The following TXNDC16 variants were observed in gnomAD, a reference collection of about 807,000 sequenced individuals.
The protein encoded by TXNDC16 is thioredoxin domain containing 16.
Under a neutral mutation model 85.6 loss-of-function variants are expected in TXNDC16, and 74 were observed. The observed-to-expected ratio is 0.86, with a 90% CI of 0.72 to 1.05. The LOEUF (loss-of-function observed/expected upper bound fraction) is 1.05, where lower values mean the gene tolerates loss of function less well. TXNDC16 is among the 50% of genes least tolerant of loss of function. The probability of loss-of-function intolerance (pLI) is 0.00; values close to 1 mark genes in which losing one functional copy is unlikely to be tolerated. For missense variants in TXNDC16, 959 were observed against 947.0 expected (o/e 1.01, Z -0.17); for synonymous variants, 335 against 326.5 (o/e 1.03, Z -0.28).
At position 52,511,236 on chromosome 14, in the gene TXNDC16, A is replaced by G; in HGVS notation, c.756+4T>C. The G allele has an allele frequency of 6.5e-7, 1 of 1,543,510 alleles. No individual in the cohort carries two copies. The highest frequency in any genetic ancestry group is 2.3e-5 in the East Asian group (1 of 43,542). On this transcript the variant is annotated splice_donor_region_variant and intron_variant, in intron 9 of 20. Coordinates refer to ENST00000281741, the MANE Select transcript of TXNDC16 (RefSeq NM_020784.3). ...CAAATAAAAATATAAAATAAGACAC[A>G]TACCAACAGAGGTGCTTTCATTGTC...
At chr14:52,450,655 G>A (rs928571939) in intron 18 of TXNDC16, among the ~76,000 whole-genome samples, 1 of 151,990 alleles carries the variant, frequency 6.6e-6, no homozygotes, top group Admixed American at 6.6e-5. Flanking sequence ...CTTTTACACT[G>A]CTGGTGGGAA....
intron 18 of TXNDC16, among the ~76,000 whole-genome samples, chr14:52,449,656 CT>C (rs1433764932): frequency 1.3e-5 from 2 of 152,062 alleles, no homozygotes; most frequent in Non-Finnish European, 2.9e-5. Context: ...CATTCTTCTC[CT>C]GAGCATATGG....
chr14:52,548,515 G>A (rs921441637), intron 1 of TXNDC16, among the ~76,000 whole-genome samples: 1 of 152,144 alleles, frequency 6.6e-6, no homozygotes, highest in African/African-American at 2.4e-5. Flanking sequence ...GCCTTCATGA[G>A]AACAGTTTGC....
intron 6 of TXNDC16, among the ~76,000 whole-genome samples, chr14:52,534,765 A>G (rs1401133305): frequency 2.6e-5 from 4 of 152,216 alleles, no homozygotes; most frequent in Non-Finnish European, 5.9e-5. Flanking sequence ...TGTCTGTGCA[A>G]CACTAAATTC....
chr14:52,480,905 C>T (rs1017062993), intron 14 of TXNDC16, among the ~76,000 whole-genome samples: 18 of 149,240 alleles, frequency 1.2e-4, no homozygotes, highest in African/African-American at 3.9e-4. Context: ...TGGAACCAAC[C>T]CAAATGCTCA....
At chr14:52,516,343 A>G (rs190377107) in intron 7 of TXNDC16, among the ~76,000 whole-genome samples, 3 of 152,334 alleles carry the variant, frequency 2.0e-5, no homozygotes, top group Admixed American at 6.5e-5. Flanking sequence ...AAAATTAACT[A>G]TAGTTGGCTG....
chr14:52,515,246 G>C (rs2037054515), intron 7 of TXNDC16, among the ~76,000 whole-genome samples: 1 of 152,120 alleles, frequency 6.6e-6, no homozygotes, highest in Non-Finnish European at 1.5e-5. Flanking sequence ...TTTCTTTCTA[G>C]TAGTAGGGAA....
rs902372294 is a variant in TXNDC16 at position 52,526,373 on chromosome 14, T to C, written c.393-7080A>G. On this transcript the variant is annotated intron_variant, in intron 6 of 20. Transcript: ENST00000281741. ...TCCCCATATCATTCCTATCAACCAATATGTTCAGTTTTTGTGAAACCTTGT... is the reference window on the plus strand; with the variant it reads ...TCCCCATATCATTCCTATCAACCAACATGTTCAGTTTTTGTGAAACCTTGT... 2.6e-5 allele frequency among the ~76,000 whole-genome samples: 4 copies of C among 152,164 alleles called. No individual in the cohort carries two copies. In the East Asian group the frequency reaches 5.8e-4, roughly 22 times the overall value.
rs1566582164 is a variant in TXNDC16 at position 52,530,328 on chromosome 14, A to ATAATATAATATATAT, written c.392+6390_392+6391insATATATATTATATTA. Among the ~76,000 whole-genome samples, 90 of 46,996 alleles carry ATAATATAATATATAT rather than the reference A, an allele frequency of 1.9e-3. 2 individuals are homozygous for ATAATATAATATATAT. Among genetic ancestry groups the ATAATATAATATATAT allele is most frequent in the African/African-American group, 7.9e-3 (88 of 11,072 alleles). 30.8% of individuals were successfully genotyped at this position (46,996 alleles called of 152,430 possible). ...TAATATATAATATATAATTATTTTT[A>ATAATATAATATATAT]TATTATATATAATTATATATTATAA... On this transcript the variant is annotated intron_variant, in intron 6 of 20. Transcript: ENST00000281741.
Position 52,539,541 on chromosome 14 carries a change from T to C in TXNDC16, c.244-1869A>G, listed in dbSNP as rs570594816. ...AAGGACTTTCGCAGCATGGTAGTGATGTATCCTGATACATCTGGCTACATA... is the reference window on the plus strand; with the variant it reads ...AAGGACTTTCGCAGCATGGTAGTGACGTATCCTGATACATCTGGCTACATA... On this transcript the variant is annotated intron_variant, in intron 4 of 20. Coordinates refer to ENST00000281741, the MANE Select transcript of TXNDC16 (RefSeq NM_020784.3). Among the ~76,000 whole-genome samples the C allele has an allele frequency of 3.3e-5, 5 of 152,346 alleles. No homozygotes were observed. In the South Asian group the frequency reaches 8.3e-4, roughly 25 times the overall value.
chr14:52,512,824 T>C (rs531210465), intron 8 of TXNDC16, among the ~76,000 whole-genome samples: 29 of 152,188 alleles, frequency 1.9e-4, no homozygotes, highest in Non-Finnish European at 2.9e-4. Context: ...CAGCTCTCAA[T>C]TCAATCTGGG....
chr14:52,504,624 T>C (rs2036747000), intron 9 of TXNDC16, among the ~76,000 whole-genome samples: 1 of 152,148 alleles, frequency 6.6e-6, no homozygotes, highest in African/African-American at 2.4e-5. Context: ...ACATTCCAAA[T>C]TGTAAAGACC....
chr14:52,449,080 A>C (rs1334308658), intron 18 of TXNDC16, among the ~76,000 whole-genome samples: 1 of 152,110 alleles, frequency 6.6e-6, no homozygotes, highest in Non-Finnish European at 1.5e-5. Flanking sequence ...GGCAGGAGTA[A>C]GTCCTTACTT....
At chr14:52,529,737 GCCTATTATATATTATATATAATA>G (rs1566581068) in intron 6 of TXNDC16, among the ~76,000 whole-genome samples, 10 of 109,482 alleles carry the variant, frequency 9.1e-5, no homozygotes, top group African/African-American at 2.6e-4. Flanking sequence ...TATATATAAT[GCCTATTATATATTATATATAATA>G]CCTATTATAT....
At chr14:52,537,419 A>C (rs1594764169) in intron 5 of TXNDC16, among the ~76,000 whole-genome samples, 180 bp downstream of exon 5, 1 of 152,288 alleles carries the variant, frequency 6.6e-6, no homozygotes, top group Non-Finnish European at 1.5e-5. Context: ...TCTGTTTTAT[A>C]AATAAGGAAG....
chr14:52,468,321 T>C (rs1250863042), intron 16 of TXNDC16, among the ~76,000 whole-genome samples: 1 of 152,052 alleles, frequency 6.6e-6, no homozygotes, highest in Non-Finnish European at 1.5e-5. Flanking sequence ...GAAAATATTG[T>C]AAATTAAAGC....
chr14:52,502,091 G>T (rs1263658124), intron 9 of TXNDC16, among the ~76,000 whole-genome samples: 2 of 152,108 alleles, frequency 1.3e-5, no homozygotes, highest in Admixed American at 6.6e-5. Context: ...TGACATCAAG[G>T]TTTGAATTCT....
intron 9 of TXNDC16, among the ~76,000 whole-genome samples, chr14:52,503,363 T>C (rs1594736364): frequency 6.6e-6 from 1 of 152,198 alleles, no homozygotes; most frequent in South Asian, 2.1e-4. Context: ...CAGGTACTCC[T>C]CTGAGACAAA....
intron 12 of TXNDC16, 102 bp downstream of exon 12, chr14:52,488,261 G>T: frequency 7.0e-7 from 1 of 1,418,508 alleles, no homozygotes; most frequent in Non-Finnish European, 9.7e-7. Flanking sequence ...ACAGAGTCTT[G>T]AATCTGAACA....
Sources: allele counts gnomAD v4.1 joint callset (sites outside exome capture counted in the v4.1 genomes callset), GRCh38; gene constraint gnomAD v4.1.1; transcripts MANE v1.5; gene names NCBI Gene and HGNC (gene_info 2026-07-23, HGNC 2026-07-21).